POT1: variants seen among roughly 807,000 people sequenced by gnomAD.
POT1 encodes protection of telomeres protein 1.
Under a neutral mutation model 78.5 loss-of-function variants are expected in POT1, and 47 were observed. The ratio of observed to expected loss-of-function variants is 0.60; its 90% confidence interval spans 0.47 to 0.76. The LOEUF (loss-of-function observed/expected upper bound fraction) is 0.76. Among genes scored for constraint, POT1 ranks in the 30% least tolerant of loss-of-function variants. The probability of loss-of-function intolerance (pLI) is 0.00; values close to 1 mark genes in which losing one functional copy is unlikely to be tolerated. For synonymous variants in POT1, 259 were observed against 260.7 expected (o/e 0.99, Z 0.06); for missense variants, 646 against 749.9 (o/e 0.86, Z 1.62).
chr7:124,850,783 C>T (rs1228545468), intron 11 of POT1, among the ~76,000 whole-genome samples: 1 of 151,754 alleles, frequency 6.6e-6, no homozygotes, highest in Non-Finnish European at 1.5e-5. Context: ...AATAATAATG[C>T]CTGCAGGCAC....
chr7:124,838,769 C>A (rs954695512), intron 14 of POT1, among the ~76,000 whole-genome samples: 2 of 152,036 alleles, frequency 1.3e-5, no homozygotes, highest in African/African-American at 2.4e-5. Context: ...TGATGCCTGG[C>A]TAATTTTGTA....
At chr7:124,921,118 G>C (rs1797138654) in intron 2 of POT1, among the ~76,000 whole-genome samples, 1 of 151,844 alleles carries the variant, frequency 6.6e-6, no homozygotes, top group African/African-American at 2.4e-5. Flanking sequence ...ATAAGAAAAT[G>C]TTGAAACTTA....
intron 6 of POT1, among the ~76,000 whole-genome samples, chr7:124,878,595 T>C (rs935007586): frequency 6.6e-6 from 1 of 152,210 alleles, no homozygotes; most frequent in Non-Finnish European, 1.5e-5. Flanking sequence ...CCACAATATG[T>C]ATTTGTTTGC....
At chr7:124,881,056 C>G (rs768483834) in intron 6 of POT1, among the ~76,000 whole-genome samples, 1 of 151,974 alleles carries the variant, frequency 6.6e-6, no homozygotes, top group Non-Finnish European at 1.5e-5. Context: ...AATACTCTTT[C>G]AATATACAGT....
intron 6 of POT1, among the ~76,000 whole-genome samples, chr7:124,875,988 T>A (rs1029914403): frequency 6.6e-6 from 1 of 152,194 alleles, no homozygotes; most frequent in African/African-American, 2.4e-5. Flanking sequence ...GAATAGGTGA[T>A]ATCAAAATGA....
chr7:124,900,239 T>C (rs765260873), intron 3 of POT1, among the ~76,000 whole-genome samples: 1 of 152,166 alleles, frequency 6.6e-6, no homozygotes, highest in Non-Finnish European at 1.5e-5. Context: ...CTCTCATAAG[T>C]ATAGTGCTTT....
At chr7:124,925,358 A>G (rs545103754) in intron 2 of POT1, among the ~76,000 whole-genome samples, 1 of 152,098 alleles carries the variant, frequency 6.6e-6, no homozygotes, top group Non-Finnish European at 1.5e-5. Context: ...CCCATTTACA[A>G]CAGCTACAAA....
At chr7:124,842,421 A>G (rs1795049645) in intron 13 of POT1, among the ~76,000 whole-genome samples, 1 of 152,012 alleles carries the variant, frequency 6.6e-6, no homozygotes, top group South Asian at 2.1e-4. Flanking sequence ...GAAGTTTACC[A>G]ACAAGGCTCT....
At chr7:124,924,765 T>C (rs1436003921) in intron 2 of POT1, among the ~76,000 whole-genome samples, 1 of 152,058 alleles carries the variant, frequency 6.6e-6, no homozygotes, top group Non-Finnish European at 1.5e-5. Flanking sequence ...TCATACACCA[T>C]GATCAAGTGA....
At chr7:124,923,259 T>C (rs1357004349) in intron 2 of POT1, among the ~76,000 whole-genome samples, 2 of 151,602 alleles carry the variant, frequency 1.3e-5, no homozygotes, top group Non-Finnish European at 3.0e-5. Context: ...TGAAAACCAA[T>C]ACAAAGAAAT....
chr7:124,921,450 TAAGA>T (rs1422397044), intron 2 of POT1, among the ~76,000 whole-genome samples: 1 of 151,942 alleles, frequency 6.6e-6, no homozygotes, highest in Non-Finnish European at 1.5e-5. Context: ...CCTTATTTAA[TAAGA>T]AAGAAAATTC....
In POT1 at chr7:124,861,947, C is replaced by T. The variant is rs118046519; in HGVS notation, c.546+1403G>A. Among the ~76,000 whole-genome samples the T allele has an allele frequency of 8.5e-3, 1,297 of 152,132 alleles. 1 individual carries two copies. Among genetic ancestry groups the T allele is most frequent in the African/African-American group, 0.01 (416 of 41,492 alleles). ...GGCGTTATTTCTGAGGCCTCTGTTC[C>T]GTTCCACTGGTCCATATATCTGCTT... is the stretch of plus-strand genomic sequence containing the variant. On this transcript the variant is annotated intron_variant, in intron 8 of 18. Coordinates refer to ENST00000357628, the MANE Select transcript of POT1 (RefSeq NM_015450.3).
At chr7:124,841,536 C>T (rs768931601) in intron 13 of POT1, among the ~76,000 whole-genome samples, 15 of 151,772 alleles carry the variant, frequency 9.9e-5, no homozygotes, top group Non-Finnish European at 2.2e-4. Flanking sequence ...AATGCAGTGG[C>T]CCCGTCTTCA....
chr7:124,853,812 A>T (rs1276533090), intron 9 of POT1, among the ~76,000 whole-genome samples: 1 of 152,072 alleles, frequency 6.6e-6, no homozygotes, highest in East Asian at 1.9e-4. Flanking sequence ...AATGTCTTTA[A>T]TTATAGACCA....
At chr7:124,835,443 G>A (rs2116444794) in intron 14 of POT1, 29 bp from the exon 15 acceptor site, 4 of 1,602,944 alleles carry the variant, frequency 2.5e-6, no homozygotes, top group Non-Finnish European at 2.6e-6. Context: ...AATCCTTCAA[G>A]TAGTGCAAAT....
intron 6 of POT1, among the ~76,000 whole-genome samples, chr7:124,888,256 G>A (rs1563006421): frequency 6.6e-6 from 1 of 152,002 alleles, no homozygotes; most frequent in African/African-American, 2.4e-5. Flanking sequence ...CACCCTTGTC[G>A]AAAATCAGTT....
chr7:124,879,675 G>A (rs1335569562), intron 6 of POT1, among the ~76,000 whole-genome samples: 1 of 152,094 alleles, frequency 6.6e-6, no homozygotes, highest in African/African-American at 2.4e-5. Flanking sequence ...CTGTTGAATA[G>A]CAAGATTAAA....
chr7:124,827,007 T>C lies in POT1; in HGVS notation c.1686+207A>G, dbSNP rs566578194. 1.0e-3 allele frequency among the ~76,000 whole-genome samples: 153 copies of C among 152,300 alleles called. 2 individuals are homozygous for C. In the Middle Eastern group the frequency reaches 0.014, roughly 14 times the overall value. Reference sequence around the variant, plus strand: ...GACTCTTTAAATCCCTGTTCCTTAATTTTTCACTATTCAAATGTTAAGATT... The same window carrying C: ...GACTCTTTAAATCCCTGTTCCTTAACTTTTCACTATTCAAATGTTAAGATT... On this transcript the variant is annotated intron_variant, in intron 17 of 18. Coordinates refer to ENST00000357628, the MANE Select transcript of POT1 (RefSeq NM_015450.3).
intron 6 of POT1, among the ~76,000 whole-genome samples, chr7:124,877,714 T>C (rs1257361017): frequency 6.6e-6 from 1 of 151,270 alleles, no homozygotes; most frequent in African/African-American, 2.4e-5. Flanking sequence ...GCGCCTGTAG[T>C]CCCAACTACT....
Sources: gnomAD v4.1 joint callset for allele counts (sites outside exome capture counted in the v4.1 genomes callset) on GRCh38, gnomAD v4.1.1 for gene constraint, MANE v1.5 for transcripts, NCBI Gene and HGNC (gene_info 2026-07-23, HGNC 2026-07-21) for gene names.